The following NHSL1 variants were observed in gnomAD, a reference collection of about 807,000 sequenced individuals.
The protein encoded by NHSL1 is NHS like 1.
Under a neutral mutation model 95.0 loss-of-function variants are expected in NHSL1, and 48 were observed. That is an observed-to-expected ratio of 0.51 (90% CI 0.40 to 0.64). The LOEUF is 0.64. Ranked by LOEUF, NHSL1 falls within the 30% of genes least tolerant of loss-of-function variation. The pLI is 0.00. For missense variants in NHSL1, 1,971 were observed against 2,077.7 expected (o/e 0.95, Z 1.00); for synonymous variants, 783 against 833.9 (o/e 0.94, Z 1.05).
At chr6:138,662,788 A>AG (rs1175419742) in intron 1 of NHSL1, among the ~76,000 whole-genome samples, 2 of 152,130 alleles carry the variant, frequency 1.3e-5, no homozygotes, top group African/African-American at 4.8e-5. Context: ...CTCAAGACTT[A>AG]GGGGAAAAAA....
At chr6:138,614,315 G>A (rs1403183846) in intron 1 of NHSL1, among the ~76,000 whole-genome samples, 1 of 152,198 alleles carries the variant, frequency 6.6e-6, no homozygotes, top group Non-Finnish European at 1.5e-5. Context: ...ACTGTGAGAT[G>A]ACAAACGTAC....
intron 1 of NHSL1, among the ~76,000 whole-genome samples, chr6:138,557,412 C>G (rs1783233559): frequency 6.6e-6 from 1 of 152,124 alleles, no homozygotes; most frequent in Non-Finnish European, 1.5e-5. Flanking sequence ...CCCAGACCCC[C>G]CCACACAAGG....
intron 1 of NHSL1, among the ~76,000 whole-genome samples, chr6:138,516,800 A>G (rs1039151363): frequency 5.3e-5 from 8 of 151,944 alleles, no homozygotes; most frequent in African/African-American, 1.5e-4. Context: ...ATGCCCGGTT[A>G]ATCTTTGTAT....
chr6:138,667,961 A>G (rs1785315793), intron 1 of NHSL1, among the ~76,000 whole-genome samples: 1 of 152,242 alleles, frequency 6.6e-6, no homozygotes, highest in African/African-American at 2.4e-5. Flanking sequence ...TAATTTTAAT[A>G]GTTAATATTT....
At chr6:138,642,768 G>A (rs1249582306) in intron 1 of NHSL1, among the ~76,000 whole-genome samples, 2 of 152,146 alleles carry the variant, frequency 1.3e-5, no homozygotes, top group African/African-American at 2.4e-5. Flanking sequence ...GTGGTAATTA[G>A]TAGGGAGAGC....
chr6:138,567,209 A>T (rs1048105198), intron 1 of NHSL1, among the ~76,000 whole-genome samples: 2 of 150,518 alleles, frequency 1.3e-5, no homozygotes, highest in African/African-American at 4.9e-5. Context: ...CTCACTGCAG[A>T]CTCGACCTCC....
At chr6:138,593,356 A>C (rs1583439031) in intron 1 of NHSL1, among the ~76,000 whole-genome samples, 1 of 152,196 alleles carries the variant, frequency 6.6e-6, no homozygotes, top group Non-Finnish European at 1.5e-5. Context: ...CTTCAAGTAC[A>C]TCAGTGAGTC....
In NHSL1 at chr6:138,424,932, C is replaced by A. The variant is rs1775161690; in HGVS notation, c.4086-116G>T. ...TCACCATCTACTTAAGATTCACTTT[C>A]AAAAAATTTATTTTTGACTGGGCAC... On this transcript the variant is annotated intron_variant, in intron 7 of 7. Coordinates refer to ENST00000343505, the MANE Select transcript of NHSL1 (RefSeq NM_001144060.2). This position sits in a 1 kb window ranked among gnomAD's most constrained non-coding sequence, Gnocchi z 5.9. 5.5e-6 allele frequency: 5 copies of A among 905,082 alleles called. No individual in the cohort carries two copies. The East Asian group carries it at 1.3e-4, about 24-fold the overall frequency. The allele number at this position is 905,082 out of a possible 1,614,324, so 56.1% of individuals were successfully genotyped here.
At chr6:138,645,494 AGT>A (rs1382686207) in intron 1 of NHSL1, among the ~76,000 whole-genome samples, 21 of 150,404 alleles carry the variant, frequency 1.4e-4, no homozygotes, top group African/African-American at 5.1e-4. Context: ...TTGTTATTGT[AGT>A]GTTTTTCTTT....
At chr6:138,556,745 A>G (rs1227475181) in intron 1 of NHSL1, among the ~76,000 whole-genome samples, 3 of 152,028 alleles carry the variant, frequency 2.0e-5, no homozygotes, top group Non-Finnish European at 4.4e-5. Flanking sequence ...TGAGGCTCAA[A>G]TATCGTTTAA....
At chr6:138,588,336 G>A (rs1186504075) in intron 1 of NHSL1, among the ~76,000 whole-genome samples, 1 of 152,150 alleles carries the variant, frequency 6.6e-6, no homozygotes, top group Non-Finnish European at 1.5e-5. Flanking sequence ...GGTGGTGTGT[G>A]CCTGTAATCC....
At chr6:138,606,346 A>C (rs1784433717) in intron 1 of NHSL1, among the ~76,000 whole-genome samples, 1 of 152,236 alleles carries the variant, frequency 6.6e-6, no homozygotes, top group Non-Finnish European at 1.5e-5. Flanking sequence ...ACAACATTTC[A>C]AAATAACAAA....
rs139009642 is a variant in NHSL1 at position 138,651,519 on chromosome 6, A to G, written c.96+40957T>C. 5.0e-3 allele frequency among the ~76,000 whole-genome samples: 755 copies of G among 152,356 alleles called. 2 individuals carry two copies. The highest frequency in any genetic ancestry group is 0.017 in the African/African-American group (725 of 41,574). Reference sequence around the variant, plus strand: ...TTCAATGCTCACTCAGAAATCACCTAACCCTAACCTTGTCTCCTCTTTCCA... The same window carrying G: ...TTCAATGCTCACTCAGAAATCACCTGACCCTAACCTTGTCTCCTCTTTCCA... On this transcript the variant is annotated intron_variant, in intron 1 of 3. Coordinates refer to the NHSL1 transcript ENST00000491526.
intron 2 of NHSL1, among the ~76,000 whole-genome samples, chr6:138,488,913 A>C (rs1425161156): frequency 2.0e-5 from 3 of 152,148 alleles, no homozygotes; most frequent in Non-Finnish European, 4.4e-5. Flanking sequence ...TTATCTACAA[A>C]ATGGAAAGGG....
At chr6:138,428,456 T>C (rs1212032987) in intron 7 of NHSL1, among the ~76,000 whole-genome samples, 2 of 152,230 alleles carry the variant, frequency 1.3e-5, no homozygotes, top group Non-Finnish European at 2.9e-5. Flanking sequence ...TGAGAAATAA[T>C]TGGACAACCA....
intron 2 of NHSL1, among the ~76,000 whole-genome samples, chr6:138,476,765 G>A (rs1180122539): frequency 6.6e-6 from 1 of 151,882 alleles, no homozygotes; most frequent in Non-Finnish European, 1.5e-5. Flanking sequence ...GAGGCAGACT[G>A]CAGTGAGCCC....
chr6:138,669,158 A>G (rs1785332382), intron 1 of NHSL1, among the ~76,000 whole-genome samples: 2 of 152,076 alleles, frequency 1.3e-5, no homozygotes, highest in African/African-American at 4.8e-5. Flanking sequence ...AGAAGATAGG[A>G]AAACACACAC....
intron 3 of NHSL1, among the ~76,000 whole-genome samples, chr6:138,454,439 G>A (rs1200911638): frequency 6.6e-6 from 1 of 152,052 alleles, no homozygotes; most frequent in South Asian, 2.1e-4. Context: ...CTCCCCATAA[G>A]AGAATGAGAA....
At chr6:138,510,658 C>T (rs988253556) in intron 1 of NHSL1, among the ~76,000 whole-genome samples, 2 of 152,148 alleles carry the variant, frequency 1.3e-5, no homozygotes, top group African/African-American at 4.8e-5. Flanking sequence ...AAGTACAGAA[C>T]TTCCATTAAT....
Sources: gnomAD v4.1 joint callset for allele counts (sites outside exome capture counted in the v4.1 genomes callset) on GRCh38, gnomAD v4.1.1 for gene constraint, Gnocchi (gnomAD v3.1) non-coding constraint, MANE v1.5 for transcripts, NCBI Gene and HGNC (gene_info 2026-07-23, HGNC 2026-07-21) for gene names.